The following GPC5 variants were observed in gnomAD, a reference collection of about 807,000 sequenced individuals.
GPC5 encodes the protein glypican 5, also known as glypican-5.
GPC5 carries 47 observed loss-of-function variants against 53.9 expected under a neutral mutation model. The ratio of observed to expected loss-of-function variants is 0.87; its 90% CI spans 0.69 to 1.11. GPC5 has a LOEUF of 1.11. GPC5 is among the 50% of genes most tolerant of loss of function. The pLI is 0.00. For synonymous variants in GPC5, 286 were observed against 263.3 expected, an observed-to-expected ratio of 1.09 and a Z score of -0.84; for missense variants, 748 against 713.1, an observed-to-expected ratio of 1.05 and a Z score of -0.56.
At chr13:91,440,353 T>G (rs1406145843) in intron 1 of GPC5, among the ~76,000 whole-genome samples, 1 of 152,202 alleles carries the variant, frequency 6.6e-6, no homozygotes, top group Non-Finnish European at 1.5e-5. Context: ...CGGATCTATC[T>G]TCAAGTATAC....
At chr13:91,669,189 C>T (rs981505840) in intron 2 of GPC5, among the ~76,000 whole-genome samples, 1 of 133,054 alleles carries the variant, frequency 7.5e-6, no homozygotes, top group African/African-American at 2.5e-5. Context: ...TATTACTGTG[C>T]CCCCCCGACA....
chr13:92,190,369 T>G (rs1040429725), intron 7 of GPC5, among the ~76,000 whole-genome samples: 4 of 152,122 alleles, frequency 2.6e-5, no homozygotes. Flanking sequence ...GGTCCTAAAA[T>G]CATATCTACA....
At chr13:91,901,919 A>G (rs9301759) in intron 5 of GPC5, among the ~76,000 whole-genome samples, 73,086 of 151,760 alleles carry the variant, frequency 0.48, 19,042 homozygotes, top group East Asian at 0.71. Context: ...AATAACAACC[A>G]CAACATGGCC....
At chr13:92,800,595 T>C (rs758638483) in intron 7 of GPC5, among the ~76,000 whole-genome samples, 10 of 151,826 alleles carry the variant, frequency 6.6e-5, no homozygotes, top group Non-Finnish European at 1.5e-4. Flanking sequence ...GCTTTATGAA[T>C]GAAGATAACA....
At chr13:91,655,148 G>C (rs1012191366) in intron 2 of GPC5, among the ~76,000 whole-genome samples, 1 of 152,128 alleles carries the variant, frequency 6.6e-6, no homozygotes, top group Non-Finnish European at 1.5e-5. Flanking sequence ...GATTATTTCA[G>C]ATTGTGTATG....
chr13:91,582,740 C>T lies in GPC5; in HGVS notation c.326-110447C>T, dbSNP rs141238811. Among the ~76,000 whole-genome samples, 144 of 152,164 alleles carry T rather than the reference C, an allele frequency of 9.5e-4. 1 individual carries two copies. Among genetic ancestry groups the T allele is most frequent in the African/African-American group, 3.0e-3 (125 of 41,524 alleles). On this transcript the variant is annotated intron_variant, in intron 2 of 7. Coordinates refer to ENST00000377067, the MANE Select transcript of GPC5 (RefSeq NM_004466.6). ...TTAATATCCATTTATAGGCCAGGCA[C>T]GGTGGTTCACGCCTGTAATCCCAGC... is the stretch of plus-strand genomic sequence containing the variant.
At chr13:91,513,672 T>C (rs564994496) in intron 2 of GPC5, among the ~76,000 whole-genome samples, 18 of 152,016 alleles carry the variant, frequency 1.2e-4, no homozygotes, top group South Asian at 8.3e-4. Flanking sequence ...ACCCCGGAGG[T>C]AGAGGTTGCA....
intron 5 of GPC5, among the ~76,000 whole-genome samples, chr13:91,814,011 C>T (rs1350244687): frequency 6.9e-6 from 1 of 144,004 alleles, no homozygotes; most frequent in East Asian, 2.1e-4. Context: ...CGGCTCACTG[C>T]AACCTCTGCC....
At chr13:92,556,958 G>A (rs1882515076) in intron 7 of GPC5, among the ~76,000 whole-genome samples, 1 of 151,880 alleles carries the variant, frequency 6.6e-6, no homozygotes, top group Admixed American at 6.6e-5. Context: ...CTCATTGCCA[G>A]CTCTAAAACA....
intron 7 of GPC5, among the ~76,000 whole-genome samples, chr13:92,841,482 T>C (rs1045939021): frequency 2.6e-5 from 4 of 152,136 alleles, no homozygotes; most frequent in African/African-American, 9.7e-5. Context: ...TTCTGGCAAA[T>C]CTTATGTCTA....
chr13:92,166,956 T>A (rs9523523), intron 7 of GPC5, among the ~76,000 whole-genome samples: 17,594 of 83,822 alleles, frequency 0.21, 1,327 homozygotes, highest in Admixed American at 0.23. Context: ...TCTCTCTCTC[T>A]CACACACACA....
intron 7 of GPC5, among the ~76,000 whole-genome samples, chr13:92,192,425 G>A (rs12585415): frequency 0.21 from 32,103 of 152,018 alleles, 4,401 homozygotes; most frequent in East Asian, 0.69. Context: ...TATACATATG[G>A]AGCTCATTTT....
In GPC5 at chr13:92,041,349, C is replaced by T. The variant is rs113737250; in HGVS notation, c.1402-103481C>T. Reference sequence around the variant, plus strand: ...CTGAAGGTTGGGAAGGATGTGATCACGTACTAGTCTAAACCACATCAGGAG... The same window carrying T: ...CTGAAGGTTGGGAAGGATGTGATCATGTACTAGTCTAAACCACATCAGGAG... On this transcript the variant is annotated intron_variant, in intron 6 of 7. Transcript: ENST00000377067. 8.4e-3 allele frequency among the ~76,000 whole-genome samples: 1,279 copies of T among 152,258 alleles called. 20 individuals are homozygous for T. Among genetic ancestry groups the T allele is most frequent in the African/African-American group, 0.029 (1,186 of 41,550 alleles).
intron 7 of GPC5, among the ~76,000 whole-genome samples, chr13:92,521,875 C>G (rs942759151): frequency 1.3e-5 from 2 of 151,954 alleles, no homozygotes; most frequent in Non-Finnish European, 2.9e-5. Context: ...TGCAATCTAC[C>G]CACCTGACAA....
Position 91,920,329 on chromosome 13 carries a change from A to C in GPC5, c.1401+12272A>C, listed in dbSNP as rs1399593546. ...AATTCAATAGAAGCATTGGAAGGTA[A>C]AATCAAAGACATATTAAACAATCGC... On this transcript the variant is annotated intron_variant, in intron 6 of 7. Coordinates refer to ENST00000377067, the MANE Select transcript of GPC5 (RefSeq NM_004466.6). 2.0e-5 allele frequency among the ~76,000 whole-genome samples: 3 copies of C among 152,212 alleles called. No individual in the cohort carries two copies. The East Asian group carries it at 5.8e-4, about 29-fold the overall frequency.
At chr13:92,414,504 CA>C (rs368737499) in intron 7 of GPC5, among the ~76,000 whole-genome samples, 15,868 of 120,322 alleles carry the variant, frequency 0.13, 1,624 homozygotes, top group African/African-American at 0.32. Flanking sequence ...GACTCTGTCT[CA>C]AAAAAAAAAA....
At chr13:91,557,948 T>C (rs1355287241) in intron 2 of GPC5, among the ~76,000 whole-genome samples, 1 of 152,120 alleles carries the variant, frequency 6.6e-6, no homozygotes, top group East Asian at 1.9e-4. Flanking sequence ...AAACGTGGGA[T>C]TGAGACAAGC....
intron 7 of GPC5, among the ~76,000 whole-genome samples, chr13:92,333,958 C>CA (rs1321358679): frequency 1.3e-5 from 2 of 151,774 alleles, no homozygotes; most frequent in African/African-American, 2.4e-5. Flanking sequence ...CAAAACAAAA[C>CA]AAACAAAAAA....
At chr13:91,412,390 A>G (rs17668181) in intron 1 of GPC5, among the ~76,000 whole-genome samples, 13,739 of 152,306 alleles carry the variant, frequency 0.09, 714 homozygotes, top group East Asian at 0.25. Context: ...ATAAAAGAAC[A>G]TGATTGTATT....
Sources: gnomAD v4.1 joint callset for allele counts (sites outside exome capture counted in the v4.1 genomes callset) on GRCh38, gnomAD v4.1.1 for gene constraint, MANE v1.5 for transcripts, NCBI Gene and HGNC (gene_info 2026-07-23, HGNC 2026-07-21) for gene names.